GALNTL6: variants seen among roughly 807,000 people sequenced by gnomAD.
GALNTL6 encodes the protein polypeptide N-acetylgalactosaminyltransferase-like 6.
Under a neutral mutation model 73.7 loss-of-function variants are expected in GALNTL6, and 46 were observed. The observed-to-expected ratio is 0.62, with a 90% CI of 0.49 to 0.80. GALNTL6 has a LOEUF of 0.80. GALNTL6 is among the 30% of genes least tolerant of loss of function. The pLI is 0.00. For synonymous variants in GALNTL6, 259 were observed against 263.7 expected, an observed-to-expected ratio of 0.98 and a Z score of 0.17; for missense variants, 604 against 755.0, an observed-to-expected ratio of 0.80 and a Z score of 2.34.
At chr4:171,887,710 GTC>G (rs1447965447) in intron 2 of GALNTL6, among the ~76,000 whole-genome samples, 8 of 152,074 alleles carry the variant, frequency 5.3e-5, no homozygotes, top group African/African-American at 1.9e-4. Context: ...CCTATAAGCT[GTC>G]TTCTGGTGAT....
chr4:172,036,138 T>A (rs1172239237), intron 2 of GALNTL6, among the ~76,000 whole-genome samples: 2 of 152,102 alleles, frequency 1.3e-5, no homozygotes, highest in Non-Finnish European at 2.9e-5. Context: ...CATCACAGCA[T>A]AAATCACACA....
chr4:172,398,555 GT>G (rs551237221), intron 5 of GALNTL6, among the ~76,000 whole-genome samples: 458 of 152,216 alleles, frequency 3.0e-3, no homozygotes, highest in Middle Eastern at 6.8e-3. Context: ...CTTGAGTTAT[GT>G]GTTGAGATGA....
chr4:171,995,932 C>T (rs1302329673), intron 2 of GALNTL6, among the ~76,000 whole-genome samples: 5 of 151,860 alleles, frequency 3.3e-5, no homozygotes, highest in African/African-American at 1.2e-4. Context: ...AACCATTGTA[C>T]AGAATAAAGA....
At chr4:172,003,083 C>T (rs1740726428) in intron 2 of GALNTL6, among the ~76,000 whole-genome samples, 2 of 152,070 alleles carry the variant, frequency 1.3e-5, no homozygotes. Flanking sequence ...TCAAAGATCT[C>T]CTTCTTGCTT....
At chr4:171,819,724 G>A (rs1306361043) in intron 2 of GALNTL6, among the ~76,000 whole-genome samples, 1 of 152,088 alleles carries the variant, frequency 6.6e-6, no homozygotes, top group Non-Finnish European at 1.5e-5. Context: ...TTAAAATCAT[G>A]AGAAGGCATC....
At chr4:172,842,769 G>T (rs953956580) in intron 7 of GALNTL6, among the ~76,000 whole-genome samples, 2 of 150,880 alleles carry the variant, frequency 1.3e-5, no homozygotes, top group Non-Finnish European at 2.9e-5. Flanking sequence ...TTTTTTAATG[G>T]CAGTGAAATT....
chr4:172,733,749 G>A (rs1736288303), intron 5 of GALNTL6, among the ~76,000 whole-genome samples: 1 of 152,180 alleles, frequency 6.6e-6, no homozygotes, highest in African/African-American at 2.4e-5. Context: ...CCCCAGCCAT[G>A]TGGAACTGTG....
intron 10 of GALNTL6, among the ~76,000 whole-genome samples, chr4:172,999,792 A>G (rs1014298762): frequency 2.6e-5 from 4 of 151,510 alleles, no homozygotes; most frequent in Non-Finnish European, 5.9e-5. Context: ...TATAATTTGG[A>G]TATATTATTT....
At chr4:172,467,832 TTCTTTC>T (rs1732882850) in intron 5 of GALNTL6, among the ~76,000 whole-genome samples, 1 of 149,590 alleles carries the variant, frequency 6.7e-6, no homozygotes. Context: ...CTTTCTTTCT[TTCTTTC>T]TTTCTTTCTT....
chr4:172,099,515 C>A (rs935118330), intron 2 of GALNTL6, among the ~76,000 whole-genome samples: 1 of 152,050 alleles, frequency 6.6e-6, no homozygotes, highest in African/African-American at 2.4e-5. Flanking sequence ...CCTTTTCCAA[C>A]AAAGACCAGA....
chr4:172,785,418 A>T (rs10866364), intron 5 of GALNTL6, among the ~76,000 whole-genome samples: 72,920 of 151,924 alleles, frequency 0.48, 18,845 homozygotes, highest in East Asian at 0.73. Context: ...TTCTATTATA[A>T]GTAAAGGAAA....
rs1344242192 is a variant in GALNTL6, at chr4:172,970,762, TTAAAG to T, written c.1371+18510_1371+18514del. The stretch of plus-strand genomic sequence containing the variant: ...TTACAAAGATAACAGGATTAAGAGA[TTAAAG>T]TAAAGACAGGCATAAGAAATTATAA... On this transcript the variant is annotated intron_variant, in intron 10 of 12. Transcript: ENST00000506823. Among the ~76,000 whole-genome samples the T allele has an allele frequency of 2.6e-5, 4 of 152,294 alleles. No homozygotes were observed. In the East Asian group the frequency reaches 5.8e-4, roughly 22 times the overall value.
At chr4:172,774,503 A>C (rs9992822) in intron 5 of GALNTL6, among the ~76,000 whole-genome samples, 78,935 of 152,092 alleles carry the variant, frequency 0.52, 21,344 homozygotes, top group East Asian at 0.78. Context: ...ATAGAAGTTT[A>C]TCTCTTATGA....
intron 2 of GALNTL6, among the ~76,000 whole-genome samples, chr4:172,181,540 G>T (rs551437036): frequency 5.2e-4 from 79 of 152,200 alleles, no homozygotes; most frequent in Non-Finnish European, 2.1e-4. Context: ...ACCGGCACAA[G>T]ACAAGGATGC....
At chr4:172,905,464 C>A (rs1182471466) in intron 8 of GALNTL6, among the ~76,000 whole-genome samples, 1 of 152,080 alleles carries the variant, frequency 6.6e-6, no homozygotes, top group Non-Finnish European at 1.5e-5. Flanking sequence ...AATGAACATG[C>A]ATAAGAGAGA....
chr4:171,830,347 A>C (rs1471628923), intron 2 of GALNTL6, among the ~76,000 whole-genome samples: 2 of 152,152 alleles, frequency 1.3e-5, no homozygotes, highest in Non-Finnish European at 2.9e-5. Context: ...AGCTCATACA[A>C]TCAGGAATTG....
intron 10 of GALNTL6, among the ~76,000 whole-genome samples, chr4:172,996,163 G>GAC (rs10658403): frequency 0.16 from 24,392 of 148,218 alleles, 2,129 homozygotes; most frequent in Non-Finnish European, 0.22. Flanking sequence ...AAGAAAATGT[G>GAC]ACACACACAC....
intron 2 of GALNTL6, among the ~76,000 whole-genome samples, chr4:172,156,540 A>AGTATATATGT (rs58197299): frequency 0.37 from 46,732 of 124,974 alleles, 9,411 homozygotes; most frequent in African/African-American, 0.42. Context: ...ATATATATAT[A>AGTATATATGT]ATATATATAT....
chr4:172,455,360 C>G (rs1732357155), intron 5 of GALNTL6, among the ~76,000 whole-genome samples: 1 of 152,138 alleles, frequency 6.6e-6, no homozygotes, highest in East Asian at 1.9e-4. Flanking sequence ...CGAGACAGAA[C>G]CATTCACTCC....
Sources: allele counts gnomAD v4.1 joint callset (sites outside exome capture counted in the v4.1 genomes callset), GRCh38; gene constraint gnomAD v4.1.1; transcripts MANE v1.5; gene names NCBI Gene and HGNC (gene_info 2026-07-23, HGNC 2026-07-21).